The following PTPRT variants were observed in gnomAD, a reference collection of about 807,000 sequenced individuals.
PTPRT encodes receptor-type tyrosine-protein phosphatase T.
Under a neutral mutation model 176.8 loss-of-function variants are expected in PTPRT, and 56 were observed. The ratio of observed to expected loss-of-function variants is 0.32; its 90% confidence interval spans 0.26 to 0.40. PTPRT has a LOEUF of 0.40. Among genes scored for constraint, PTPRT ranks in the 10% least tolerant of loss-of-function variants. The pLI, the probability that PTPRT is intolerant of heterozygous loss-of-function variation, is 1.00. For missense variants in PTPRT, 1,540 were observed against 1,908.2 expected (o/e 0.81, Z 3.60); for synonymous variants, 783 against 739.0 (o/e 1.06, Z -0.96).
intron 1 of PTPRT, among the ~76,000 whole-genome samples, chr20:43,110,626 A>G (rs2012814896): frequency 1.3e-5 from 2 of 152,176 alleles, no homozygotes; most frequent in Non-Finnish European, 1.5e-5. Context: ...CAAGCTGTAT[A>G]TTTAAGATAT....
At chr20:43,104,950 T>C (rs779665689) in intron 1 of PTPRT, among the ~76,000 whole-genome samples, 87 of 152,160 alleles carry the variant, frequency 5.7e-4, no homozygotes, top group Non-Finnish European at 9.8e-4. Context: ...TCACACAGAA[T>C]ATTGTTTTCA....
At chr20:43,013,745 T>C (rs1362521858) in intron 1 of PTPRT, among the ~76,000 whole-genome samples, 1 of 152,148 alleles carries the variant, frequency 6.6e-6, no homozygotes. Context: ...GCACCTACTT[T>C]GATACCCTAC....
At chr20:42,652,453 T>C (rs2075050014) in intron 7 of PTPRT, among the ~76,000 whole-genome samples, 1 of 152,124 alleles carries the variant, frequency 6.6e-6, no homozygotes, top group Non-Finnish European at 1.5e-5. Flanking sequence ...GTGTTGTAAC[T>C]TTCCAGCCTG....
intron 1 of PTPRT, among the ~76,000 whole-genome samples, chr20:43,105,117 C>A (rs2012547771): frequency 6.6e-6 from 1 of 152,084 alleles, no homozygotes; most frequent in Admixed American, 6.5e-5. Context: ...AGAGTGTAAG[C>A]AAGGTCATGG....
intron 12 of PTPRT, among the ~76,000 whole-genome samples, chr20:42,287,240 T>C (rs1483803052): frequency 6.6e-6 from 1 of 151,918 alleles, no homozygotes; most frequent in East Asian, 1.9e-4. Flanking sequence ...ACTGGGCATT[T>C]ATCCAAAGGA....
chr20:42,398,295 T>C (rs185446597), intron 9 of PTPRT, among the ~76,000 whole-genome samples: 1 of 152,334 alleles, frequency 6.6e-6, no homozygotes, highest in Non-Finnish European at 1.5e-5. Flanking sequence ...GGTTTTTTTC[T>C]ATTCTATTGG....
intron 2 of PTPRT, among the ~76,000 whole-genome samples, chr20:42,809,737 A>G (rs1195631109): frequency 6.6e-6 from 1 of 152,040 alleles, no homozygotes; most frequent in African/African-American, 2.4e-5. Flanking sequence ...CTCGCATTTC[A>G]AATCTCCCTC....
chr20:42,282,212 A>G (rs771843387), intron 13 of PTPRT, among the ~76,000 whole-genome samples: 3 of 152,116 alleles, frequency 2.0e-5, no homozygotes, highest in Non-Finnish European at 4.4e-5. Flanking sequence ...ATTTATATCC[A>G]TCACTCCACT....
intron 15 of PTPRT, among the ~76,000 whole-genome samples, chr20:42,219,585 G>A (rs748562008): frequency 6.6e-5 from 10 of 152,192 alleles, no homozygotes; most frequent in Non-Finnish European, 1.5e-4. Flanking sequence ...CAACAACAAA[G>A]ACAAGAAGGA....
At chr20:42,758,347 C>T (rs989354441) in intron 5 of PTPRT, among the ~76,000 whole-genome samples, 1 of 152,046 alleles carries the variant, frequency 6.6e-6, no homozygotes, top group Admixed American at 6.5e-5. Context: ...GAGAGGGGCA[C>T]AGGTACAGGT....
At chr20:42,065,641 G>A in the PTPRT span, among the ~76,000 whole-genome samples, 1 of 152,186 alleles carries the variant, frequency 6.6e-6, no homozygotes, top group African/African-American at 2.4e-5. Context: ...AAATGCTAGA[G>A]AGTCTCTCAA....
At chr20:43,044,719 C>T (rs542304231) in intron 1 of PTPRT, among the ~76,000 whole-genome samples, 4 of 152,296 alleles carry the variant, frequency 2.6e-5, no homozygotes, top group African/African-American at 4.8e-5. Flanking sequence ...GTGTGTAAGA[C>T]GCTCAGCACA....
chr20:42,112,903 G>T (rs1987079299), intron 22 of PTPRT, among the ~76,000 whole-genome samples: 1 of 152,196 alleles, frequency 6.6e-6, no homozygotes, highest in Non-Finnish European at 1.5e-5. Context: ...AGAATACTTG[G>T]ACTTTTTTCA....
At chr20:42,836,978 A>G (rs990862221) in intron 2 of PTPRT, among the ~76,000 whole-genome samples, 5 of 152,172 alleles carry the variant, frequency 3.3e-5, no homozygotes, top group African/African-American at 1.2e-4. Flanking sequence ...CAGAGTTGGG[A>G]TTTGAACCCC....
chr20:42,392,019 C>T (rs2058804733), intron 9 of PTPRT, among the ~76,000 whole-genome samples: 3 of 152,158 alleles, frequency 2.0e-5, no homozygotes, highest in Admixed American at 2.0e-4. Context: ...GTCCTTGCCA[C>T]CACACTGTAC....
At chr20:42,292,743 G>C (rs757447851) in intron 12 of PTPRT, among the ~76,000 whole-genome samples, 3 of 152,154 alleles carry the variant, frequency 2.0e-5, no homozygotes, top group Non-Finnish European at 4.4e-5. Context: ...TAAGTGGTTT[G>C]TGATATTACA....
chr20:43,007,649 A>G (rs904260571), intron 1 of PTPRT, among the ~76,000 whole-genome samples: 1 of 152,088 alleles, frequency 6.6e-6, no homozygotes. Flanking sequence ...CCACCACCCA[A>G]AGCTTTTCTA....
chr20:42,438,847 T>C (rs1192858503), intron 9 of PTPRT, among the ~76,000 whole-genome samples: 3 of 152,128 alleles, frequency 2.0e-5, no homozygotes, highest in Non-Finnish European at 4.4e-5. Context: ...CCTGGCTCCA[T>C]CACAAATACC....
intron 7 of PTPRT, among the ~76,000 whole-genome samples, chr20:42,634,094 A>AAT (rs1239421413): frequency 6.4e-5 from 3 of 46,546 alleles, no homozygotes; most frequent in African/African-American, 3.2e-4. Context: ...ATAATATAAT[A>AAT]ATATATATAT....
Sources: allele counts gnomAD v4.1 joint callset (sites outside exome capture counted in the v4.1 genomes callset), GRCh38; gene constraint gnomAD v4.1.1; transcripts MANE v1.5; gene names NCBI Gene and HGNC (gene_info 2026-07-23, HGNC 2026-07-21).